CIB1: variants seen among roughly 807,000 people sequenced by gnomAD.
The protein encoded by CIB1 is calcium and integrin binding 1.
A neutral mutation model predicts 25.0 loss-of-function variants in CIB1; 19 were observed. The observed-to-expected ratio is 0.76, with a 90% CI of 0.53 to 1.12. The LOEUF (loss-of-function observed/expected upper bound fraction) is 1.12, where lower values mean the gene tolerates loss of function less well. Ranked by LOEUF, CIB1 falls within the 50% of genes most tolerant of loss-of-function variation. The probability of loss-of-function intolerance (pLI) is 0.00; values close to 1 mark genes in which losing one functional copy is unlikely to be tolerated. For missense variants in CIB1, 236 were observed against 242.6 expected (o/e 0.97, Z 0.18); for synonymous variants, 104 against 98.5 (o/e 1.06, Z -0.33).
chr15:90,261,943 T>C, the CIB1 span: 1 of 1,336,144 alleles, frequency 7.5e-7, no homozygotes, highest in Admixed American at 2.6e-5. Context: ...TTAGTCAGTC[T>C]TCCTTTCCCT....
At chr15:90,242,252 GC>G in the CIB1 span, 1 of 219,904 alleles carries the variant, frequency 4.5e-6, no homozygotes, top group Admixed American at 9.3e-5. Flanking sequence ...CACACACCTG[GC>G]TTTTTTTTTT....
the CIB1 span, chr15:90,242,455 TTTTTTTTG>T: frequency 1.0e-5 from 1 of 95,296 alleles, no homozygotes; most frequent in Non-Finnish European, 2.0e-5. Flanking sequence ...TTTTTTTTTT[TTTTTTTTG>T]AGATAGTCTC....
the CIB1 span, chr15:90,251,465 T>G: frequency 7.6e-7 from 1 of 1,309,762 alleles, no homozygotes; most frequent in Non-Finnish European, 1.1e-6. Flanking sequence ...AGAAAAGGAA[T>G]TGTGTTGTGA....
the CIB1 span, chr15:90,249,829 C>T: frequency 6.6e-6 from 1 of 152,390 alleles, no homozygotes; most frequent in Non-Finnish European, 1.5e-5. Flanking sequence ...TCCACCGTCA[C>T]AGCCCAAAGG....
At position 90,230,349 on chromosome 15, in the gene CIB1, G is replaced by T; in HGVS notation, c.*135C>A. The T allele has an allele frequency of 9.9e-7, 1 of 1,009,064 alleles. No individual in the cohort carries two copies. 62.5% of individuals were successfully genotyped at this position (1,009,064 alleles called of 1,614,324 possible). Reference sequence around the variant, plus strand: ...CTGACAACGAGGGCCGCCCCTGCCCGGGGTGAGGCTGCACAGCGCCAGCTC... The same window carrying T: ...CTGACAACGAGGGCCGCCCCTGCCCTGGGTGAGGCTGCACAGCGCCAGCTC... On this transcript the variant is annotated 3_prime_UTR_variant, in exon 7 of 7. Coordinates refer to ENST00000328649, the MANE Select transcript of CIB1 (RefSeq NM_006384.4).
chr15:90,230,426 C>G lies in CIB1; in HGVS notation c.*58G>C. On this transcript the variant is annotated 3_prime_UTR_variant, in exon 7 of 7. Coordinates refer to ENST00000328649, the MANE Select transcript of CIB1 (RefSeq NM_006384.4). ...GGCAACACAGGCTTGACCTTGGCCA[C>G]AGCTCAGCAGTAGAAAGGTTCTTGG... The G allele has an allele frequency of 6.5e-7, 1 of 1,545,870 alleles. No individual in the cohort carries two copies. Among genetic ancestry groups the G allele is most frequent in the Non-Finnish European group, 8.8e-7 (1 of 1,142,500 alleles).
the CIB1 span, chr15:90,257,870 T>C: frequency 2.4e-5 from 23 of 942,264 alleles, no homozygotes; most frequent in Non-Finnish European, 3.7e-5. Flanking sequence ...ACTTTGGAGC[T>C]CTAAGTGCAG....
the CIB1 span, chr15:90,240,959 CAAT>C: frequency 2.5e-6 from 4 of 1,614,056 alleles, no homozygotes; most frequent in Admixed American, 1.7e-5. Context: ...TGCCTCCCAA[CAAT>C]GAGGACTGGG....
Position 90,231,420 on chromosome 15 carries a change from G to A in CIB1, c.283C>T (p.Leu95Phe). The change falls in exon 4 of 7, where the codon CTC becomes TTC. Residue 95 changes from leucine to phenylalanine, a missense_variant. Transcript: ENST00000328649. Reference sequence around the variant, plus strand: ...GTGGCTGTGTCACTGAACACACTGAGGAGATCCAGGAAGTCCTCAAAGCTA... The same window carrying A: ...GTGGCTGTGTCACTGAACACACTGAAGAGATCCAGGAAGTCCTCAAAGCTA... ...SLSFEDFLDL[L>F]SVFSDTATPD... The A allele has an allele frequency of 1.9e-6, 3 of 1,614,236 alleles. No individual in the cohort carries two copies. The highest frequency in any genetic ancestry group is 1.7e-6 in the Non-Finnish European group (2 of 1,180,034).
At chr15:90,238,314 A>G (rs563127106), upstream of CIB1, among the ~76,000 whole-genome samples, 1 of 152,158 alleles carries the variant, frequency 6.6e-6, no homozygotes, top group South Asian at 2.1e-4. Context: ...AAAAAAATTG[A>G]CCATCTGAAC....
chr15:90,248,081 C>T, the CIB1 span, among the ~76,000 whole-genome samples: 1 of 151,630 alleles, frequency 6.6e-6, no homozygotes, highest in East Asian at 1.9e-4. Flanking sequence ...ACTCTGTCAC[C>T]CAAGCTGAAG....
chr15:90,265,656 C>G, the CIB1 span: 1 of 1,600,268 alleles, frequency 6.2e-7, no homozygotes, highest in Non-Finnish European at 8.5e-7. Flanking sequence ...TCCGGTCTTA[C>G]CCGGCTACTT....
At chr15:90,253,292 G>C in the CIB1 span, 1 of 1,613,880 alleles carries the variant, frequency 6.2e-7, no homozygotes, top group Non-Finnish European at 8.5e-7. Flanking sequence ...AGGTGGGGGA[G>C]GATGAAGAGT....
At chr15:90,251,493 T>G in the CIB1 span, 3 of 1,491,460 alleles carry the variant, frequency 2.0e-6, no homozygotes, top group Non-Finnish European at 2.8e-6. Flanking sequence ...GGATGTCTTT[T>G]CATCTGAGTA....
chr15:90,233,506 G>A (rs1269370978), intron 2 of CIB1, among the ~76,000 whole-genome samples, 163 bp downstream of exon 2: 5 of 152,218 alleles, frequency 3.3e-5, no homozygotes, highest in South Asian at 4.1e-4. Context: ...GGGCGGGGAG[G>A]GCGTGCCGGG....
the CIB1 span, chr15:90,265,409 AGCC>A: frequency 7.9e-7 from 1 of 1,268,010 alleles, no homozygotes; most frequent in South Asian, 1.8e-5. Flanking sequence ...AGGCCTGGGC[AGCC>A]GCTGGGGCGG....
the CIB1 span, chr15:90,257,668 C>T: frequency 6.2e-7 from 1 of 1,614,220 alleles, no homozygotes; most frequent in Non-Finnish European, 8.5e-7. Flanking sequence ...ACCAACTATG[C>T]TATCAACAAA....
At chr15:90,254,202 TAAAAA>T in the CIB1 span, among the ~76,000 whole-genome samples, 12 of 139,094 alleles carry the variant, frequency 8.6e-5, no homozygotes, top group East Asian at 2.2e-3. Flanking sequence ...TTTTTTTTTT[TAAAAA>T]AAAAAGGCTG....
rs779519559 is a variant in CIB1 at position 90,231,094 on chromosome 15, CGTT to C, written c.463_465del (p.Asn155del). ...GCTCCCAGGCCTGCTCAGCTGCTCA[CGTT>C]GTCGATGAGCTGCTTCATCTCAGAC... On this transcript the variant is annotated inframe_deletion and splice_region_variant, in exon 5 of 7. Transcript: ENST00000328649. The C allele has an allele frequency of 1.4e-5, 22 of 1,613,768 alleles. No homozygotes were observed. The highest frequency in any genetic ancestry group is 1.9e-5 in the Non-Finnish European group (22 of 1,179,618).
Sources: gnomAD v4.1 joint callset for allele counts (sites outside exome capture counted in the v4.1 genomes callset) on GRCh38, gnomAD v4.1.1 for gene constraint, MANE v1.5 for transcripts, NCBI Gene and HGNC (gene_info 2026-07-23, HGNC 2026-07-21) for gene names.